Variants in PRKG1 observed in about 807,000 individuals in gnomAD.
PRKG1 encodes the protein protein kinase cGMP-dependent 1.
Under a neutral mutation model 88.1 loss-of-function variants are expected in PRKG1, and 35 were observed. The ratio of observed to expected loss-of-function variants is 0.40; its 90% CI spans 0.30 to 0.53. The LOEUF (loss-of-function observed/expected upper bound fraction) is 0.53. PRKG1 is among the 20% of genes least tolerant of loss of function. The pLI is 0.59. For missense variants in PRKG1, 540 were observed against 839.8 expected, an observed-to-expected ratio of 0.64 and a Z score of 4.41; for synonymous variants, 303 against 292.5, an observed-to-expected ratio of 1.04 and a Z score of -0.37.
At chr10:51,276,673 G>A (rs542968912) in intron 2 of PRKG1, among the ~76,000 whole-genome samples, 90 of 152,220 alleles carry the variant, frequency 5.9e-4, no homozygotes, top group African/African-American at 2.1e-3. Flanking sequence ...GGTGTGAGAT[G>A]GTATCTCACT....
chr10:51,719,682 A>AC (rs1841966808), intron 3 of PRKG1, among the ~76,000 whole-genome samples: 1 of 152,178 alleles, frequency 6.6e-6, no homozygotes, highest in South Asian at 2.1e-4. Flanking sequence ...AGATGTACCC[A>AC]TTTTTCAGCT....
At chr10:51,738,045 G>A (rs1254308432) in intron 3 of PRKG1, among the ~76,000 whole-genome samples, 2 of 151,988 alleles carry the variant, frequency 1.3e-5, no homozygotes, top group Non-Finnish European at 2.9e-5. Flanking sequence ...TGGGATTACA[G>A]GCATGAGTCA....
chr10:51,382,026 G>T (rs1286921512), intron 2 of PRKG1, among the ~76,000 whole-genome samples: 1 of 151,942 alleles, frequency 6.6e-6, no homozygotes. Flanking sequence ...TTTGTTGTTG[G>T]TTTTTTTCTC....
At chr10:51,308,001 C>T (rs369259205) in intron 2 of PRKG1, among the ~76,000 whole-genome samples, 4 of 152,056 alleles carry the variant, frequency 2.6e-5, no homozygotes, top group African/African-American at 9.7e-5. Flanking sequence ...TTATTTCCCT[C>T]TTAAATCAAA....
rs557384915 is a variant in PRKG1, at chr10:52,055,030, G to A, written c.840+469G>A. 9.9e-5 allele frequency among the ~76,000 whole-genome samples: 15 copies of A among 152,246 alleles called. No homozygotes were observed. In the East Asian group the frequency reaches 1.4e-3, roughly 14 times the overall value. On this transcript the variant is annotated intron_variant, in intron 6 of 17. Transcript: ENST00000373980. ...GCATGCCTGTCATCCCAGCTACTTC[G>A]GAGGCTGAGACAGGAGGATTGCTTG...
At chr10:52,138,891 G>A (rs1837499703) in intron 8 of PRKG1, among the ~76,000 whole-genome samples, 1 of 152,028 alleles carries the variant, frequency 6.6e-6, no homozygotes, top group African/African-American at 2.4e-5. Flanking sequence ...ATTTAAAAAT[G>A]TACCAAGACT....
chr10:51,797,536 G>A (rs1346825781), intron 3 of PRKG1, among the ~76,000 whole-genome samples: 1 of 144,978 alleles, frequency 6.9e-6, no homozygotes, highest in Non-Finnish European at 1.5e-5. Flanking sequence ...TTTGTTGTAT[G>A]TATTTAATAT....
chr10:51,231,091 G>A (rs980614755), intron 2 of PRKG1, among the ~76,000 whole-genome samples: 4 of 152,076 alleles, frequency 2.6e-5, no homozygotes, highest in African/African-American at 9.7e-5. Context: ...GAAAAGGGAG[G>A]GAGAAGCCCT....
At chr10:51,881,564 A>G (rs1157201313) in intron 4 of PRKG1, among the ~76,000 whole-genome samples, 1 of 152,206 alleles carries the variant, frequency 6.6e-6, no homozygotes, top group Non-Finnish European at 1.5e-5. Flanking sequence ...TGATGGTACC[A>G]GGCCTCTTAT....
At chr10:52,022,233 A>G (rs1344283313) in intron 5 of PRKG1, among the ~76,000 whole-genome samples, 1 of 152,320 alleles carries the variant, frequency 6.6e-6, no homozygotes, top group East Asian at 1.9e-4. Context: ...CTAAGTTATG[A>G]TGCTTGGTAG....
intron 2 of PRKG1, among the ~76,000 whole-genome samples, chr10:51,265,476 C>G (rs1839815609): frequency 6.6e-6 from 1 of 152,150 alleles, no homozygotes; most frequent in Non-Finnish European, 1.5e-5. Flanking sequence ...TTTTAAGTTG[C>G]TAAATCTGGC....
chr10:51,923,485 A>G (rs186822770), intron 5 of PRKG1, among the ~76,000 whole-genome samples: 68 of 150,458 alleles, frequency 4.5e-4, no homozygotes, highest in African/African-American at 1.5e-3. Flanking sequence ...ATATACATTT[A>G]TAATATTGAC....
At chr10:51,206,428 G>A (rs1007355158) in intron 2 of PRKG1, among the ~76,000 whole-genome samples, 2 of 151,474 alleles carry the variant, frequency 1.3e-5, no homozygotes, top group African/African-American at 4.9e-5. Context: ...GGAGGCGGAG[G>A]ATGTAGTGAG....
chr10:51,948,387 T>C (rs1279281257), intron 5 of PRKG1, among the ~76,000 whole-genome samples: 1 of 152,154 alleles, frequency 6.6e-6, no homozygotes, highest in Non-Finnish European at 1.5e-5. Flanking sequence ...TTAATGAACT[T>C]AGTGAAATTG....
intron 2 of PRKG1, among the ~76,000 whole-genome samples, chr10:51,176,901 G>T (rs1291965756): frequency 1.3e-5 from 2 of 152,130 alleles, no homozygotes; most frequent in African/African-American, 4.8e-5. Flanking sequence ...AAATGTTATT[G>T]ATATGACAAT....
At chr10:52,001,619 ACT>A (rs1219092997) in intron 5 of PRKG1, among the ~76,000 whole-genome samples, 1 of 151,802 alleles carries the variant, frequency 6.6e-6, no homozygotes, top group Non-Finnish European at 1.5e-5. Flanking sequence ...TAAATATAAG[ACT>A]CTCTATCTTA....
intron 2 of PRKG1, among the ~76,000 whole-genome samples, chr10:51,413,355 G>A (rs75392972): frequency 1.5e-5 from 2 of 133,408 alleles, no homozygotes; most frequent in African/African-American, 5.2e-5. Context: ...TTTTTTTTTT[G>A]TTTTTTGTTT....
In PRKG1 at chr10:52,207,813, C is replaced by A. The variant is rs146629098; in HGVS notation, c.1077-43757C>A. ...GCTCATCAGCCCCATGCAGGGTTCC[C>A]AGCTTACTCCCCCTTCAGCCCAGTG... On this transcript the variant is annotated intron_variant, in intron 9 of 17. Coordinates refer to ENST00000373980, the MANE Select transcript of PRKG1 (RefSeq NM_006258.4). Among the ~76,000 whole-genome samples the A allele has an allele frequency of 5.2e-3, 793 of 152,226 alleles. 2 individuals are homozygous for A. Among genetic ancestry groups the A allele is most frequent in the Admixed American group, 9.0e-3 (138 of 15,288 alleles).
intron 3 of PRKG1, among the ~76,000 whole-genome samples, chr10:51,740,464 T>C (rs1442956531): frequency 6.6e-6 from 1 of 152,240 alleles, no homozygotes; most frequent in Non-Finnish European, 1.5e-5. Context: ...AAATATTTTT[T>C]CTCAAACAAA....
Sources: allele counts gnomAD v4.1 joint callset (sites outside exome capture counted in the v4.1 genomes callset), GRCh38; gene constraint gnomAD v4.1.1; transcripts MANE v1.5; gene names NCBI Gene and HGNC (gene_info 2026-07-23, HGNC 2026-07-21).